APP: variants seen among roughly 807,000 people sequenced by gnomAD.
APP encodes the protein amyloid-beta precursor protein.
Under a neutral mutation model 101.4 loss-of-function variants are expected in APP, and 31 were observed. That is an observed-to-expected ratio of 0.31 (90% CI 0.23 to 0.41). APP has a LOEUF of 0.41. APP is among the 10% of genes least tolerant of loss of function. The pLI is 1.00. For missense variants in APP, 839 were observed against 1,003.7 expected (o/e 0.84, Z 2.22); for synonymous variants, 366 against 364.4 (o/e 1.00, Z -0.05).
At chr21:26,119,638 C>T (rs538910308) in intron 1 of APP, among the ~76,000 whole-genome samples, 1 of 152,064 alleles carries the variant, frequency 6.6e-6, no homozygotes, top group Admixed American at 6.5e-5. Flanking sequence ...TGTATATATA[C>T]CTGCTATACA....
At chr21:25,918,743 C>T (rs865918165) in intron 13 of APP, among the ~76,000 whole-genome samples, 2 of 151,262 alleles carry the variant, frequency 1.3e-5, no homozygotes, top group African/African-American at 2.4e-5. Flanking sequence ...CCCACGGAAT[C>T]GCGCTGATTG....
At chr21:25,980,923 G>A (rs1484012447) in intron 9 of APP, among the ~76,000 whole-genome samples, 1 of 152,204 alleles carries the variant, frequency 6.6e-6, no homozygotes, top group Non-Finnish European at 1.5e-5. Flanking sequence ...GCCTTTTATT[G>A]TGGTTTTCAT....
At chr21:26,007,562 A>G (rs2043592885) in intron 6 of APP, among the ~76,000 whole-genome samples, 2 of 150,936 alleles carry the variant, frequency 1.3e-5, no homozygotes, top group South Asian at 4.1e-4. Context: ...TGTAGTTCAT[A>G]ACAACTTTAT....
chr21:25,946,199 C>T (rs2040814043), intron 13 of APP, among the ~76,000 whole-genome samples: 1 of 151,952 alleles, frequency 6.6e-6, no homozygotes, highest in South Asian at 2.1e-4. Context: ...ATAGTAACTG[C>T]CACAAAAGAA....
rs557516993 is a variant in APP, at chr21:26,137,821, A to G, written c.58-25675T>C. 2.0e-5 allele frequency among the ~76,000 whole-genome samples: 3 copies of G among 152,342 alleles called. No homozygotes were observed. The South Asian group carries it at 6.2e-4, about 32-fold the overall frequency. ...TTACTCATCCTAGAGATTTAAAAAA[A>G]AATCAGGAGGTGAGGCAGGTCCTAT... On this transcript the variant is annotated intron_variant, in intron 1 of 17. Coordinates refer to ENST00000346798, the MANE Select transcript of APP (RefSeq NM_000484.4).
In APP at chr21:25,958,035, C is replaced by T. The variant is rs543750809; in HGVS notation, c.1459-2280G>A. On this transcript the variant is annotated intron_variant, in intron 11 of 17. Coordinates refer to ENST00000346798, the MANE Select transcript of APP (RefSeq NM_000484.4). ...AACAAAAACAGTAAGAATTGCTTTT[C>T]ATCATAACTTCTTTTTTTCCAGTTA... Among the ~76,000 whole-genome samples, 16 of 152,214 alleles carry T rather than the reference C, an allele frequency of 1.1e-4. No individual in the cohort carries two copies. The South Asian group carries it at 3.3e-3, about 32-fold the overall frequency.
chr21:26,080,650 A>C (rs2061579520), intron 3 of APP, among the ~76,000 whole-genome samples: 4 of 151,970 alleles, frequency 2.6e-5, no homozygotes, highest in Admixed American at 2.6e-4. Flanking sequence ...AGGCACCTGT[A>C]ATCCCAGCTA....
intron 8 of APP, among the ~76,000 whole-genome samples, chr21:25,991,683 C>T (rs1243283173): frequency 6.6e-6 from 1 of 152,178 alleles, no homozygotes; most frequent in African/African-American, 2.4e-5. Context: ...CAGCTGCTGG[C>T]TACTTTTATA....
chr21:25,960,181 T>C (rs2041516390), intron 11 of APP, among the ~76,000 whole-genome samples: 1 of 101,104 alleles, frequency 9.9e-6, no homozygotes, highest in African/African-American at 4.0e-5. Context: ...ATTCATCTCA[T>C]GACAGAAGTG....
chr21:25,892,222 G>A (rs1237347123), intron 16 of APP, among the ~76,000 whole-genome samples: 1 of 152,126 alleles, frequency 6.6e-6, no homozygotes, highest in Non-Finnish European at 1.5e-5. Flanking sequence ...CATTTGGTGA[G>A]TGGTGGGAAG....
chr21:26,068,814 G>C (rs1304088545), intron 3 of APP, among the ~76,000 whole-genome samples: 1 of 152,050 alleles, frequency 6.6e-6, no homozygotes, highest in Non-Finnish European at 1.5e-5. Flanking sequence ...TTCTCACTCA[G>C]ACATATCATC....
At chr21:26,082,189 A>G (rs1332394898) in intron 3 of APP, among the ~76,000 whole-genome samples, 1 of 152,196 alleles carries the variant, frequency 6.6e-6, no homozygotes, top group Non-Finnish European at 1.5e-5. Context: ...ATTGCACTCC[A>G]GCCGGGGCAA....
At chr21:25,981,767 GA>G (rs1320223898) in intron 9 of APP, among the ~76,000 whole-genome samples, 2 of 148,280 alleles carry the variant, frequency 1.3e-5, no homozygotes, top group Non-Finnish European at 3.0e-5. Context: ...ACTGTACTAG[GA>G]GCAAGAAAGG....
intron 17 of APP, among the ~76,000 whole-genome samples, chr21:25,882,498 G>T (rs2146196898): frequency 6.6e-6 from 1 of 151,378 alleles, no homozygotes; most frequent in African/African-American, 2.4e-5. Flanking sequence ...TTAATATGTT[G>T]CTTTACCTCT....
At chr21:25,970,023 AAAATAAAT>A (rs537557266) in intron 11 of APP, among the ~76,000 whole-genome samples, 1 of 150,394 alleles carries the variant, frequency 6.6e-6, no homozygotes, top group African/African-American at 2.5e-5. Flanking sequence ...AGAGAGAGAG[AAAATAAAT>A]AAATAAATAA....
intron 14 of APP, among the ~76,000 whole-genome samples, chr21:25,909,080 G>A (rs111776203): frequency 6.6e-6 from 1 of 151,928 alleles, no homozygotes; most frequent in Non-Finnish European, 1.5e-5. Flanking sequence ...TGGCTAACAC[G>A]GTGAAACCCT....
In APP at chr21:26,167,153, C is replaced by T. The variant is rs117910373; in HGVS notation, c.57+3411G>A. Among the ~76,000 whole-genome samples, 797 of 152,308 alleles carry T rather than the reference C, an allele frequency of 5.2e-3. 10 individuals carry two copies. Among genetic ancestry groups the T allele is most frequent in the Non-Finnish European group, 9.0e-3 (611 of 68,026 alleles). Reference sequence around the variant, plus strand: ...AAGTTTTCTCTGTAACATATTTACTCAGTATACCTAATCTGTATTTTCCTT... The same window carrying T: ...AAGTTTTCTCTGTAACATATTTACTTAGTATACCTAATCTGTATTTTCCTT... On this transcript the variant is annotated intron_variant, in intron 1 of 17. Transcript: ENST00000346798.
At chr21:25,969,472 A>T (rs1354971733) in intron 11 of APP, among the ~76,000 whole-genome samples, 2 of 152,090 alleles carry the variant, frequency 1.3e-5, no homozygotes, top group African/African-American at 4.8e-5. Flanking sequence ...TAAAGATGGT[A>T]ACTTAACAAA....
chr21:25,980,038 G>C (rs956995247), intron 9 of APP, among the ~76,000 whole-genome samples: 3 of 152,234 alleles, frequency 2.0e-5, no homozygotes, highest in Non-Finnish European at 4.4e-5. Context: ...ATGTGTCAGC[G>C]TGAAGAAGAG....
Sources: allele counts gnomAD v4.1 joint callset (sites outside exome capture counted in the v4.1 genomes callset), GRCh38; gene constraint gnomAD v4.1.1; transcripts MANE v1.5; gene names NCBI Gene and HGNC (gene_info 2026-07-23, HGNC 2026-07-21).